The following IL16 variants were observed in gnomAD, a reference collection of about 807,000 sequenced individuals.
IL16 encodes the protein interleukin 16.
IL16 carries 67 observed loss-of-function variants against 110.1 expected under a neutral mutation model. The ratio of observed to expected loss-of-function variants is 0.61; its 90% CI spans 0.50 to 0.75. The LOEUF (loss-of-function observed/expected upper bound fraction) is 0.75, where lower values mean the gene tolerates loss of function less well. Among genes scored for constraint, IL16 ranks in the 30% least tolerant of loss-of-function variants. The pLI, the probability that IL16 is intolerant of heterozygous loss-of-function variation, is 0.00. For synonymous variants in IL16, 689 were observed against 662.9 expected (o/e 1.04, Z -0.61); for missense variants, 1,545 against 1,655.0 (o/e 0.93, Z 1.15).
At chr15:81,305,073 G>GTCT (rs1900482862) in intron 16 of IL16, among the ~76,000 whole-genome samples, 1 of 152,220 alleles carries the variant, frequency 6.6e-6, no homozygotes, top group African/African-American at 2.4e-5. Flanking sequence ...CTATAAAAAT[G>GTCT]TCTAGACTGC....
At chr15:81,280,021 AAC>A in intron 8 of IL16, among the ~76,000 whole-genome samples, 1 of 152,296 alleles carries the variant, frequency 6.6e-6, no homozygotes, top group Middle Eastern at 3.4e-3. Flanking sequence ...GAAAAACTCA[AAC>A]ACAAAAATAC....
rs1896764438 is a variant in IL16, at chr15:81,225,645, G to A, written c.246G>A (p.Glu82=). 1 of 1,613,948 alleles carries A rather than the reference G, an allele frequency of 6.2e-7. No homozygotes were observed. The highest frequency in any genetic ancestry group is 8.5e-7 in the Non-Finnish European group (1 of 1,179,978). Residue 82 remains glutamate, a synonymous_variant, in exon 2 of 19, where the codon GAG becomes GAA. Transcript: ENST00000683961. ...SSVPDLALAS[E]AAQLQAAGND... is the part of the protein sequence containing the mutation. ...TTCCTGATCTAGCACTGGCCTCGGA[G>A]GCTGCTCAACTCCAAGCAGCTGGGA...
chr15:81,260,226 T>C (rs1390895775), intron 3 of IL16, among the ~76,000 whole-genome samples: 3 of 152,196 alleles, frequency 2.0e-5, no homozygotes, highest in Non-Finnish European at 4.4e-5. Flanking sequence ...ATGATTTTTA[T>C]TAGCTGAAAA....
At chr15:81,288,613 C>T (rs894684142) in intron 10 of IL16, among the ~76,000 whole-genome samples, 3 of 152,184 alleles carry the variant, frequency 2.0e-5, no homozygotes, top group Non-Finnish European at 4.4e-5. Context: ...AAACAAGTCC[C>T]TATGTTCTCC....
intron 12 of IL16, among the ~76,000 whole-genome samples, chr15:81,293,576 C>T (rs1315365664): frequency 6.6e-6 from 1 of 152,164 alleles, no homozygotes; most frequent in East Asian, 1.9e-4. Flanking sequence ...TGGCAGGTGC[C>T]TGTAATCCCA....
chr15:81,223,488 T>C (rs777842876), intron 1 of IL16, among the ~76,000 whole-genome samples: 1 of 152,214 alleles, frequency 6.6e-6, no homozygotes, highest in Middle Eastern at 3.2e-3. Flanking sequence ...GGGTAAAGCA[T>C]GCAGGCTTAA....
rs8031107 is a variant in IL16, at chr15:81,290,527, G to A, written c.1407G>A (p.Gln469=). 755,580 of 1,607,100 alleles carry A rather than the reference G, an allele frequency of 0.47. 182,157 individuals carry two copies. Among genetic ancestry groups the A allele is most frequent in the African/African-American group, 0.69 (51,741 of 74,756 alleles). ...CCAAGTTTGGAAAGGAGAGGCATCA[G>A]TGGAGTCTGGAAGGTAAGACAAATG... ...ENTKFGKERH[Q]WSLEGVKRLE... The change falls in exon 11 of 19, where the codon CAG becomes CAA. Residue 469 remains glutamine (Q), a synonymous_variant. Coordinates refer to ENST00000683961, the MANE Select transcript of IL16 (RefSeq NM_172217.5).
intron 12 of IL16, chr15:81,295,452 T>C: frequency 2.3e-6 from 3 of 1,289,624 alleles, no homozygotes; most frequent in Non-Finnish European, 3.0e-6. Flanking sequence ...GTATCACATG[T>C]GGCTGCCTGT....
intron 1 of IL16, among the ~76,000 whole-genome samples, chr15:81,204,101 A>T (rs1389803216): frequency 3.9e-5 from 6 of 151,924 alleles, no homozygotes; most frequent in African/African-American, 1.5e-4. Flanking sequence ...ATGGGAGTTC[A>T]CTCATGATTT....
At chr15:81,230,044 C>T (rs1032192022) in intron 2 of IL16, among the ~76,000 whole-genome samples, 1 of 151,988 alleles carries the variant, frequency 6.6e-6, no homozygotes, top group African/African-American at 2.4e-5. Context: ...CCAGGATGTG[C>T]CAAAGCGGGG....
At chr15:81,209,535 T>A (rs1451982363) in intron 1 of IL16, among the ~76,000 whole-genome samples, 4 of 151,942 alleles carry the variant, frequency 2.6e-5, no homozygotes, top group Non-Finnish European at 5.9e-5. Context: ...CTCTTGTTCT[T>A]TTTTTTAAGG....
At chr15:81,230,154 T>C (rs1321906412) in intron 2 of IL16, among the ~76,000 whole-genome samples, 1 of 152,140 alleles carries the variant, frequency 6.6e-6, no homozygotes. Context: ...TCTAGACCCC[T>C]GGAGATGAAT....
At chr15:81,273,656 G>C (rs904033126) in intron 6 of IL16, among the ~76,000 whole-genome samples, 2 of 152,038 alleles carry the variant, frequency 1.3e-5, no homozygotes, top group African/African-American at 4.8e-5. Flanking sequence ...TCCAACCCTT[G>C]TAACGGATGA....
chr15:81,296,900 A>T, intron 12 of IL16, 28 bp from the exon 13 acceptor site: 1 of 1,565,270 alleles, frequency 6.4e-7, no homozygotes, highest in Non-Finnish European at 8.7e-7. Context: ...CCGTTTTGAC[A>T]TGGTCTCGCT....
At chr15:81,216,650 AGCAGCAG>A (rs2142008129) in intron 1 of IL16, among the ~76,000 whole-genome samples, 1 of 90,178 alleles carries the variant, frequency 1.1e-5, no homozygotes, top group East Asian at 4.2e-4. Flanking sequence ...CTGTCTTAGC[AGCAGCAG>A]CAGCAGCAGC....
At position 81,196,962 on chromosome 15, in the gene IL16, C is replaced by G. The variant is rs1895615522; in HGVS notation, c.-292C>G. On this transcript the variant is annotated 5_prime_UTR_variant, in exon 1 of 19. It adds an upstream start codon to the 5' untranslated region. Coordinates refer to ENST00000683961, the MANE Select transcript of IL16 (RefSeq NM_172217.5). ...CATCTCAACTATCGGAGCCTGGGATCTGACTCAAAGGCCGGCCTCCGTCTG... is the reference window on the plus strand; with the variant it reads ...CATCTCAACTATCGGAGCCTGGGATGTGACTCAAAGGCCGGCCTCCGTCTG... The G allele has an allele frequency of 7.9e-7, 1 of 1,270,168 alleles. No homozygotes were observed. Among genetic ancestry groups the G allele is most frequent in the African/African-American group, 1.5e-5 (1 of 64,920 alleles). The allele number at this position is 1,270,168 out of a possible 1,614,324, so 78.7% of individuals were successfully genotyped here. A position where few individuals can be genotyped will look rare whatever the true frequency, so the allele number is the denominator to read the frequency against.
intron 8 of IL16, among the ~76,000 whole-genome samples, chr15:81,282,006 C>G (rs1299786137): frequency 2.6e-5 from 4 of 152,200 alleles, no homozygotes; most frequent in African/African-American, 9.6e-5. Context: ...CACAGTTCTC[C>G]TATGGCATCC....
intron 1 of IL16, among the ~76,000 whole-genome samples, chr15:81,198,221 G>C (rs560448840): frequency 6.6e-6 from 1 of 152,120 alleles, no homozygotes; most frequent in South Asian, 2.1e-4. Flanking sequence ...ACCATTTCCT[G>C]GCCACTCTTC....
chr15:81,307,682 TTGCTTAAA>T lies in IL16; in HGVS notation c.3806-920_3806-913del, dbSNP rs1900642705. Reference sequence around the variant, plus strand: ...AGTCACTTCACCACCATGGGCCCATTTGCTTAAATGTTTAGGATGAGACTGCCAGCTGC... The same window carrying T: ...AGTCACTTCACCACCATGGGCCCATTTGTTTAGGATGAGACTGCCAGCTGC... On this transcript the variant is annotated intron_variant, in intron 18 of 18. Coordinates refer to ENST00000683961, the MANE Select transcript of IL16 (RefSeq NM_172217.5). 3.3e-5 allele frequency among the ~76,000 whole-genome samples: 5 copies of T among 152,260 alleles called. No homozygotes were observed. The South Asian group carries it at 1.0e-3, about 32-fold the overall frequency.
Sources: gnomAD v4.1 joint callset for allele counts (sites outside exome capture counted in the v4.1 genomes callset) on GRCh38, gnomAD v4.1.1 for gene constraint, MANE v1.5 for transcripts, NCBI Gene and HGNC (gene_info 2026-07-23, HGNC 2026-07-21) for gene names.